Variants in RAD18 observed in about 807,000 individuals in gnomAD.
The protein encoded by RAD18 is E3 ubiquitin-protein ligase RAD18.
RAD18 carries 47 observed loss-of-function variants against 60.4 expected under a neutral mutation model. The ratio of observed to expected loss-of-function variants is 0.78; its 90% confidence interval spans 0.62 to 0.99. RAD18 has a LOEUF of 0.99. RAD18 is among the 50% of genes least tolerant of loss of function. The probability of loss-of-function intolerance (pLI) is 0.00; values close to 1 mark genes in which losing one functional copy is unlikely to be tolerated. For synonymous variants in RAD18, 225 were observed against 195.5 expected (o/e 1.15, Z -1.26); for missense variants, 640 against 593.3 (o/e 1.08, Z -0.82).
chr3:8,921,425 G>A (rs910943117), intron 7 of RAD18, among the ~76,000 whole-genome samples: 7 of 152,128 alleles, frequency 4.6e-5, no homozygotes, highest in African/African-American at 1.7e-4. Flanking sequence ...GCTAAAGCAG[G>A]GGAATCTCTT....
At chr3:8,903,903 A>C (rs551869300) in intron 9 of RAD18, among the ~76,000 whole-genome samples, 1 of 152,310 alleles carries the variant, frequency 6.6e-6, no homozygotes, top group African/African-American at 2.4e-5. Context: ...TAGGGAATTT[A>C]CTGGGTGTAG....
intron 7 of RAD18, among the ~76,000 whole-genome samples, chr3:8,927,453 C>T (rs1176708488): frequency 2.0e-5 from 3 of 152,218 alleles, no homozygotes; most frequent in East Asian, 1.9e-4. Context: ...CACTTTTACA[C>T]TGTTGGTGGG....
At position 8,925,390 on chromosome 3, in the gene RAD18, A is replaced by G. The variant is rs1027249423; in HGVS notation, c.889+10481T>C. On this transcript the variant is annotated intron_variant, in intron 7 of 12. Transcript: ENST00000264926. The stretch of plus-strand genomic sequence containing the variant: ...AAGTTGAATCTCTGAATAAACCAAT[A>G]ACAGGCTCTGAAATTGAGGCAATAA... 3.3e-5 allele frequency among the ~76,000 whole-genome samples: 5 copies of G among 152,348 alleles called. No individual in the cohort carries two copies. The East Asian group carries it at 9.6e-4, about 29-fold the overall frequency.
chr3:8,938,177 C>A (rs1940685350), intron 6 of RAD18, among the ~76,000 whole-genome samples: 1 of 152,148 alleles, frequency 6.6e-6, no homozygotes, highest in Admixed American at 6.5e-5. Context: ...ACCTAAAAAT[C>A]TAAATTTTAT....
intron 12 of RAD18, among the ~76,000 whole-genome samples, chr3:8,883,559 T>C (rs1030140931): frequency 6.6e-6 from 1 of 152,178 alleles, no homozygotes; most frequent in African/African-American, 2.4e-5. Flanking sequence ...TCTGTGTCTG[T>C]GCTGGGGCAT....
intron 7 of RAD18, among the ~76,000 whole-genome samples, chr3:8,923,677 A>G (rs1477075760): frequency 3.9e-5 from 6 of 152,206 alleles, no homozygotes; most frequent in Non-Finnish European, 7.3e-5. Flanking sequence ...AGGTCGGGTT[A>G]CCCACAAAGG....
chr3:8,898,382 G>A (rs1429979322), intron 11 of RAD18, among the ~76,000 whole-genome samples: 2 of 3,052 alleles, frequency 6.6e-4, no homozygotes, highest in Non-Finnish European at 1.5e-3. Flanking sequence ...GTGTGCATGC[G>A]TGTGTGTGTG....
chr3:8,901,966 T>C (rs1939920106), intron 10 of RAD18, among the ~76,000 whole-genome samples: 1 of 152,238 alleles, frequency 6.6e-6, no homozygotes, highest in Non-Finnish European at 1.5e-5. Flanking sequence ...AGGAACGTGC[T>C]CTGTATTAGC....
intron 7 of RAD18, among the ~76,000 whole-genome samples, chr3:8,931,967 T>G (rs544561307): frequency 6.6e-6 from 1 of 152,312 alleles, no homozygotes; most frequent in East Asian, 1.9e-4. Context: ...CTTTGACATT[T>G]GACATTTACC....
intron 7 of RAD18, among the ~76,000 whole-genome samples, chr3:8,915,754 TC>T (rs1940189575): frequency 6.6e-6 from 1 of 151,980 alleles, no homozygotes; most frequent in African/African-American, 2.4e-5. Flanking sequence ...CAGCTAATTT[TC>T]TGTATTTTTA....
At chr3:8,928,693 T>G (rs7622068) in intron 7 of RAD18, among the ~76,000 whole-genome samples, 18,923 of 152,182 alleles carry the variant, frequency 0.12, 3,881 homozygotes, top group African/African-American at 0.43. Context: ...AGCTTCTCAG[T>G]AATTGATAGA....
At chr3:8,936,282 G>A (rs955330606) in intron 6 of RAD18, among the ~76,000 whole-genome samples, 5 of 152,202 alleles carry the variant, frequency 3.3e-5, no homozygotes, top group African/African-American at 1.2e-4. Flanking sequence ...GGTGGCACCA[G>A]AAGTGAGAGA....
intron 11 of RAD18, among the ~76,000 whole-genome samples, chr3:8,898,616 T>C (rs1229718784): frequency 1.3e-5 from 2 of 152,094 alleles, no homozygotes; most frequent in African/African-American, 4.8e-5. Context: ...TTGACAAAAA[T>C]TTCACTGTCT....
intron 7 of RAD18, among the ~76,000 whole-genome samples, chr3:8,920,504 T>A (rs1183830337): frequency 6.6e-6 from 1 of 152,188 alleles, no homozygotes; most frequent in African/African-American, 2.4e-5. Flanking sequence ...AGCTACATAG[T>A]GTTGAAGTGT....
intron 1 of RAD18, among the ~76,000 whole-genome samples, chr3:8,962,535 G>A (rs1463093739): frequency 1.3e-5 from 2 of 152,186 alleles, no homozygotes; most frequent in Non-Finnish European, 2.9e-5. Flanking sequence ...AACTGAGGGA[G>A]AAGAAGGCTA....
chr3:8,957,599 C>T (rs1941034539), intron 2 of RAD18, among the ~76,000 whole-genome samples: 1 of 152,198 alleles, frequency 6.6e-6, no homozygotes, highest in African/African-American at 2.4e-5. Context: ...CATGCTCTTT[C>T]CTGTTCTCTA....
At chr3:8,891,764 A>G (rs1417262730) in intron 11 of RAD18, among the ~76,000 whole-genome samples, 1 of 152,220 alleles carries the variant, frequency 6.6e-6, no homozygotes, top group African/African-American at 2.4e-5. Context: ...AATTTTATCT[A>G]AAATGAAGTT....
chr3:8,914,967 T>C (rs1940172306), intron 7 of RAD18, among the ~76,000 whole-genome samples: 1 of 151,826 alleles, frequency 6.6e-6, no homozygotes, highest in Admixed American at 6.6e-5. Flanking sequence ...TGAAACCCCG[T>C]CTCCACTAAA....
chr3:8,955,508 G>C (rs1222757744), intron 2 of RAD18, among the ~76,000 whole-genome samples: 1 of 152,242 alleles, frequency 6.6e-6, no homozygotes, highest in Non-Finnish European at 1.5e-5. Flanking sequence ...GAGGCTGGGA[G>C]AGAATAGTGG....
Sources: gnomAD v4.1 joint callset for allele counts (sites outside exome capture counted in the v4.1 genomes callset) on GRCh38, gnomAD v4.1.1 for gene constraint, MANE v1.5 for transcripts, NCBI Gene and HGNC (gene_info 2026-07-23, HGNC 2026-07-21) for gene names.